The following NEB variants were observed in gnomAD, a reference collection of about 807,000 sequenced individuals.
The protein encoded by NEB is nebulin.
In NEB, 512 loss-of-function variants were observed where a neutral mutation model predicts 952.2. The ratio of observed to expected loss-of-function variants is 0.54; its 90% confidence interval spans 0.50 to 0.58. The LOEUF (loss-of-function observed/expected upper bound fraction) is 0.58. NEB is among the 20% of genes least tolerant of loss of function. NEB has a pLI of 0.00. For synonymous variants in NEB, 2,900 were observed against 3,149.8 expected (o/e 0.92, Z 2.66); for missense variants, 8,428 against 9,231.1 (o/e 0.91, Z 3.56).
intron 160 of NEB, among the ~76,000 whole-genome samples, 158 bp from the exon 161 acceptor site, chr2:151,512,995 A>G (rs1330400882): frequency 6.6e-6 from 1 of 152,216 alleles, no homozygotes; most frequent in Non-Finnish European, 1.5e-5. Flanking sequence ...ATAGTTTTAT[A>G]CCAAAGAGTG....
At chr2:151,644,203 G>T (rs533243756) in intron 56 of NEB, 74 bp from the exon 57 acceptor site, 8 of 1,542,020 alleles carry the variant, frequency 5.2e-6, no homozygotes, top group Middle Eastern at 1.7e-4. Context: ...ATTACAAAGC[G>T]CATTAACTCT....
rs1227853839 is a variant in NEB at position 151,514,339 on chromosome 2, A to ATTCT, written c.23102_23105dup (p.Asn7702LysfsTer9). The stretch of plus-strand genomic sequence containing the variant: ...CTACCTCATTGAGGATTTGAGTGGC[A>ATTCT]TTCTTTGCTCTTAGCATGTCAGGTG... On this transcript the variant is annotated frameshift_variant, in exon 159 of 182. Coordinates refer to ENST00000397345, the MANE Select transcript of NEB (RefSeq NM_001164508.2). LOFTEE classifies it high-confidence loss of function. The ATTCT allele has an allele frequency of 6.2e-7, 1 of 1,613,138 alleles. No individual in the cohort carries two copies. Among genetic ancestry groups the ATTCT allele is most frequent in the East Asian group, 2.2e-5 (1 of 44,872 alleles).
intron 181 of NEB, chr2:151,486,549 T>G: frequency 6.6e-6 from 1 of 152,310 alleles, no homozygotes; most frequent in East Asian, 1.9e-4. Flanking sequence ...AATTTGTACA[T>G]CCATGTCCGT....
chr2:151,626,903 CA>C, intron 70 of NEB, 98 bp downstream of exon 70: 1 of 1,396,090 alleles, frequency 7.2e-7, no homozygotes, highest in Non-Finnish European at 9.9e-7. Flanking sequence ...CATTGGATAG[CA>C]ATTTAATTGG....
chr2:151,640,319 C>T (rs763276078), intron 61 of NEB, 36 bp downstream of exon 61: 10 of 1,598,120 alleles, frequency 6.3e-6, no homozygotes, highest in Non-Finnish European at 8.6e-6. Flanking sequence ...AAATAATTTC[C>T]CACCTCTGCA....
chr2:151,537,261 GTTCTAAGAAGC>G, intron 140 of NEB, 25 bp from the exon 141 acceptor site: 1 of 1,437,692 alleles, frequency 7.0e-7, no homozygotes, highest in Non-Finnish European at 9.8e-7. Context: ...ACATCAAAGA[GTTCTAAGAAGC>G]CATCTCCAAA....
chr2:151,701,260 G>A (rs1177079173), intron 13 of NEB, among the ~76,000 whole-genome samples: 7 of 149,906 alleles, frequency 4.7e-5, no homozygotes, highest in Non-Finnish European at 7.4e-5. Context: ...TGCTGGATTC[G>A]TTTTGCCAGT....
chr2:151,625,290 T>C (rs1293201546), intron 71 of NEB, among the ~76,000 whole-genome samples: 2 of 152,116 alleles, frequency 1.3e-5, no homozygotes, highest in Non-Finnish European at 2.9e-5. Flanking sequence ...TGACTTGAGA[T>C]ATTTTTTCCC....
At chr2:151,577,354 C>A (rs926333812) in intron 105 of NEB, among the ~76,000 whole-genome samples, 1 of 152,158 alleles carries the variant, frequency 6.6e-6, no homozygotes, top group Non-Finnish European at 1.5e-5. Context: ...GTCTCATCAG[C>A]CCTCTTTGCA....
chr2:151,540,212 TA>T, intron 138 of NEB, 131 bp downstream of exon 138: 1 of 494,552 alleles, frequency 2.0e-6, no homozygotes, highest in Non-Finnish European at 3.4e-6. Flanking sequence ...TTTTTCTCTT[TA>T]AAAAAATGTG....
At chr2:151,714,734 T>A (rs962683588) in intron 10 of NEB, among the ~76,000 whole-genome samples, 7 of 152,076 alleles carry the variant, frequency 4.6e-5, no homozygotes, top group Admixed American at 6.5e-5. Flanking sequence ...TTTTAAAAAA[T>A]TTATTTTTTT....
At chr2:151,653,527 T>A (rs892576959) in intron 52 of NEB, among the ~76,000 whole-genome samples, 3 of 152,170 alleles carry the variant, frequency 2.0e-5, no homozygotes, top group African/African-American at 7.2e-5. Flanking sequence ...CCCAAGGTAA[T>A]TTATTACAAT....
intron 174 of NEB, 67 bp downstream of exon 174, chr2:151,494,094 A>G: frequency 7.6e-7 from 1 of 1,318,568 alleles, no homozygotes; most frequent in Non-Finnish European, 1.1e-6. Flanking sequence ...GGACAGGGTT[A>G]GGAGCAGGCC....
rs930070054 is a variant in NEB at position 151,546,059 on chromosome 2, A to T, written c.20467-61T>A. On this transcript the variant is annotated intron_variant, in intron 134 of 181. Transcript: ENST00000397345. ...ATTAATCATTTAAGGGATTCATGTC[A>T]TATTGTCTTTCAAATGTCTGGCATG... is the stretch of plus-strand genomic sequence containing the variant. The T allele has an allele frequency of 2.1e-5, 23 of 1,100,200 alleles. No individual in the cohort carries two copies. In the African/African-American group the frequency reaches 3.6e-4, roughly 17 times the overall value. 68.2% of individuals were successfully genotyped at this position (1,100,200 alleles called of 1,614,324 possible).
chr2:151,560,955 A>T, intron 123 of NEB, 49 bp downstream of exon 123: 2 of 1,153,838 alleles, frequency 1.7e-6, no homozygotes, highest in Admixed American at 2.1e-5. Context: ...ACTGTCCCAG[A>T]AGGGGGAAAG....
At chr2:151,542,893 T>C (rs1488216099) in intron 135 of NEB, among the ~76,000 whole-genome samples, 2 of 152,232 alleles carry the variant, frequency 1.3e-5, no homozygotes, top group Non-Finnish European at 2.9e-5. Context: ...AACCCATGTT[T>C]CTATAATAGC....
At chr2:151,493,470 G>C (rs768202865) in intron 175 of NEB, 25 bp from the exon 176 acceptor site, 1 of 1,476,302 alleles carries the variant, frequency 6.8e-7, no homozygotes. Flanking sequence ...AGAGCATCTA[G>C]GCATCAGACA....
At chr2:151,545,589 AAAAG>A (rs752432245) in intron 135 of NEB, among the ~76,000 whole-genome samples, 5 of 152,318 alleles carry the variant, frequency 3.3e-5, no homozygotes, top group East Asian at 3.9e-4. Flanking sequence ...AAAAAAAAGA[AAAAG>A]AAAGGTCTTT....
intron 178 of NEB, 28 bp from the exon 179 acceptor site, chr2:151,491,803 A>G: frequency 6.5e-7 from 1 of 1,526,930 alleles, no homozygotes; most frequent in Non-Finnish European, 8.9e-7. Flanking sequence ...GATCAGAACA[A>G]GTGTTCTTGG....
Sources: gnomAD v4.1 joint callset for allele counts (sites outside exome capture counted in the v4.1 genomes callset) on GRCh38, gnomAD v4.1.1 for gene constraint, MANE v1.5 for transcripts, NCBI Gene and HGNC (gene_info 2026-07-23, HGNC 2026-07-21) for gene names.